HMGN3: variants seen among roughly 807,000 people sequenced by gnomAD.
HMGN3 encodes high mobility group nucleosome-binding domain-containing protein 3.
A neutral mutation model predicts 18.8 loss-of-function variants in HMGN3; 6 were observed. The observed-to-expected ratio is 0.32, with a 90% CI of 0.18 to 0.63. The LOEUF is 0.63. HMGN3 is among the 30% of genes least tolerant of loss of function. The pLI is 0.79. For missense variants in HMGN3, 107 were observed against 114.2 expected (o/e 0.94, Z 0.29); for synonymous variants, 40 against 36.5 (o/e 1.10, Z -0.35).
At chr6:79,233,706 GACAGTCCGC>G (rs1777977766) in intron 1 of HMGN3, 1 of 152,312 alleles carries the variant, frequency 6.6e-6, no homozygotes, top group African/African-American at 2.4e-5. Context: ...CGCAGAAGAG[GACAGTCCGC>G]AAGGGGCGGA....
At position 79,233,821 on chromosome 6, in the gene HMGN3, T is replaced by G. The variant is rs576555068; in HGVS notation, c.15+725A>C. 7 of 152,504 alleles carry G rather than the reference T, an allele frequency of 4.6e-5. No homozygotes were observed. The East Asian group carries it at 1.3e-3, about 29-fold the overall frequency. The allele number at this position is 152,504 out of a possible 1,614,324, so 9.4% of individuals were successfully genotyped here. On this transcript the variant is annotated intron_variant, in intron 1 of 5. Transcript: ENST00000344726. ...CCAACCGAGTGTGGGTTCCAGTCGCTGGGGAGGACCTGGTGGCCCCCTGAC... is the reference window on the plus strand; with the variant it reads ...CCAACCGAGTGTGGGTTCCAGTCGCGGGGGAGGACCTGGTGGCCCCCTGAC...
chr6:79,202,004 A>T, intron 5 of HMGN3, 59 bp downstream of exon 6: 1 of 1,493,972 alleles, frequency 6.7e-7, no homozygotes, highest in Non-Finnish European at 8.8e-7. Context: ...AAAAACCACC[A>T]CACTACTATC....
intron 2 of HMGN3, among the ~76,000 whole-genome samples, chr6:79,212,515 G>A (rs1018584120): frequency 3.3e-5 from 5 of 152,126 alleles, no homozygotes; most frequent in African/African-American, 7.2e-5. Flanking sequence ...AGTGCTTGGC[G>A]CATTATAGGT....
chr6:79,208,625 A>T lies in HMGN3; in HGVS notation c.67-49T>A, dbSNP rs564790579. The stretch of plus-strand genomic sequence containing the variant: ...ACATATTTTTTGGTGATTATATAAA[A>T]CGAAGTTGATTTTTAAAAATCTATT... On this transcript the variant is annotated intron_variant, in intron 2 of 5. Transcript: ENST00000344726. 2.1e-6 allele frequency: 3 copies of T among 1,420,184 alleles called. No individual in the cohort carries two copies. In the East Asian group the frequency reaches 6.8e-5, roughly 32 times the overall value. The allele number at this position is 1,420,184 out of a possible 1,614,324, so 88.0% of individuals were successfully genotyped here. A position where few individuals can be genotyped will look rare whatever the true frequency, so the allele number is the denominator to read the frequency against.
At chr6:79,209,327 T>C (rs1776569955) in intron 2 of HMGN3, among the ~76,000 whole-genome samples, 1 of 152,216 alleles carries the variant, frequency 6.6e-6, no homozygotes, top group South Asian at 2.1e-4. Context: ...AACAGAACTG[T>C]CCTAGGCATT....
intron 2 of HMGN3, among the ~76,000 whole-genome samples, chr6:79,211,267 T>C (rs1171708293): frequency 6.6e-6 from 1 of 152,140 alleles, no homozygotes; most frequent in Non-Finnish European, 1.5e-5. Context: ...CATACAAGTA[T>C]GGACACCTTC....
intron 1 of HMGN3, among the ~76,000 whole-genome samples, chr6:79,228,905 A>T (rs12205390): frequency 6.6e-6 from 1 of 152,346 alleles, no homozygotes; most frequent in East Asian, 1.9e-4. Context: ...CGACATACAG[A>T]CCATAAAACA....
At chr6:79,221,089 A>G (rs1777260682) in intron 1 of HMGN3, among the ~76,000 whole-genome samples, 1 of 152,160 alleles carries the variant, frequency 6.6e-6, no homozygotes, top group Non-Finnish European at 1.5e-5. Context: ...TGGGGAGAAG[A>G]AAAAGACTAA....
At chr6:79,204,319 C>G (rs1776295435) in intron 3 of HMGN3, among the ~76,000 whole-genome samples, 1 of 152,084 alleles carries the variant, frequency 6.6e-6, no homozygotes, top group Non-Finnish European at 1.5e-5. Flanking sequence ...TATTATTAGC[C>G]AAACAGTCCC....
At chr6:79,203,350 G>A (rs1776247064) in intron 4 of HMGN3, among the ~76,000 whole-genome samples, 1 of 152,146 alleles carries the variant, frequency 6.6e-6, no homozygotes, top group Non-Finnish European at 1.5e-5. Flanking sequence ...CTTCGGACAT[G>A]AGGCTTCTCA....
chr6:79,211,817 T>C (rs1287115449), intron 2 of HMGN3, among the ~76,000 whole-genome samples: 1 of 152,144 alleles, frequency 6.6e-6, no homozygotes, highest in African/African-American at 2.4e-5. Context: ...TCTTCTACTT[T>C]AATATCCTGG....
intron 1 of HMGN3, among the ~76,000 whole-genome samples, chr6:79,222,128 C>G (rs1278821291): frequency 6.6e-6 from 1 of 152,144 alleles, no homozygotes; most frequent in Non-Finnish European, 1.5e-5. Context: ...GTTATCCATG[C>G]TAACGAGGAA....
chr6:79,203,773 C>T (rs1454047703), intron 3 of HMGN3, 143 bp from the exon 4 acceptor site: 1 of 665,070 alleles, frequency 1.5e-6, no homozygotes, highest in Non-Finnish European at 2.6e-6. Flanking sequence ...CTATTTTCAG[C>T]ACCAGGTAAC....
intron 3 of HMGN3, among the ~76,000 whole-genome samples, chr6:79,205,187 AAGG>A (rs1776357890): frequency 6.6e-6 from 1 of 152,162 alleles, no homozygotes; most frequent in Admixed American, 6.5e-5. Flanking sequence ...TTTGACTTAC[AAGG>A]TCTGTTCCCT....
At chr6:79,201,655 TAC>T (rs762106155) in exon 6 of HMGN3, 28 of 1,374,506 alleles carry the variant, frequency 2.0e-5, no homozygotes, top group Non-Finnish European at 2.9e-5. Context: ...TCCCAAGAGA[TAC>T]ATAAAATCAA....
intron 1 of HMGN3, among the ~76,000 whole-genome samples, chr6:79,224,111 T>C (rs1387617602): frequency 6.6e-6 from 1 of 152,196 alleles, no homozygotes; most frequent in Non-Finnish European, 1.5e-5. Flanking sequence ...TAAAACATGA[T>C]TATATCCATT....
intron 2 of HMGN3, among the ~76,000 whole-genome samples, chr6:79,214,232 C>T (rs1352053633): frequency 2.7e-5 from 4 of 148,150 alleles, no homozygotes; most frequent in East Asian, 3.9e-4. Flanking sequence ...GAGTCTCTCT[C>T]GCTCTGTCAC....
chr6:79,234,524 ATCT>A lies in HMGN3; in HGVS notation c.15+19_15+21del, dbSNP rs772440117. 7 of 1,609,794 alleles carry A rather than the reference ATCT, an allele frequency of 4.3e-6. No homozygotes were observed. In the African/African-American group the frequency reaches 9.3e-5, roughly 21 times the overall value. On this transcript the variant is annotated intron_variant, in intron 1 of 5. Transcript: ENST00000344726. ...TAAGCAGAATTTGAAGGCTTTTGAA[ATCT>A]TTTTTTGGTAAGACTTACCTTTCTC...
intron 1 of HMGN3, among the ~76,000 whole-genome samples, chr6:79,222,454 C>T (rs931886073): frequency 3.3e-5 from 5 of 152,142 alleles, no homozygotes; most frequent in African/African-American, 9.7e-5. Context: ...AAGGTTAATT[C>T]TCTCCACAAA....
Sources: gnomAD v4.1 joint callset for allele counts (sites outside exome capture counted in the v4.1 genomes callset) on GRCh38, gnomAD v4.1.1 for gene constraint, MANE v1.5 for transcripts, NCBI Gene and HGNC (gene_info 2026-07-23, HGNC 2026-07-21) for gene names.